The following TRIM23 variants were observed in gnomAD, a reference collection of about 807,000 sequenced individuals.
TRIM23 encodes tripartite motif containing 23.
In TRIM23, 27 loss-of-function variants were observed where a neutral mutation model predicts 71.0. That is an observed-to-expected ratio of 0.38 (90% confidence interval 0.28 to 0.52). The LOEUF (loss-of-function observed/expected upper bound fraction) is 0.52. Ranked by LOEUF, TRIM23 falls within the 20% of genes least tolerant of loss-of-function variation. TRIM23 has a pLI of 0.84. For synonymous variants in TRIM23, 234 were observed against 238.0 expected (o/e 0.98, Z 0.16); for missense variants, 482 against 692.3 (o/e 0.70, Z 3.41).
rs1294162940 is a variant in TRIM23, at chr5:65,599,303, C to CT, written c.1180-2124dup. Among the ~76,000 whole-genome samples the CT allele has an allele frequency of 1.3e-5, 2 of 152,030 alleles. 1 individual carries two copies. Among genetic ancestry groups the CT allele is most frequent in the African/African-American group, 4.8e-5 (2 of 41,396 alleles). ...AAAGGAAATTAAGGAAACAATTCTA[C>CT]TTAAAATAGCATCAAAATTATACTT... On this transcript the variant is annotated intron_variant, in intron 7 of 10. Transcript: ENST00000231524.
chr5:65,594,443 T>A, intron 10 of TRIM23, 78 bp downstream of exon 10: 1 of 1,476,750 alleles, frequency 6.8e-7, no homozygotes, highest in Non-Finnish European at 9.1e-7. Flanking sequence ...GAACTGATTG[T>A]CTTCTGAAAT....
At chr5:65,617,964 A>G in intron 2 of TRIM23, 129 bp downstream of exon 2, 1 of 999,696 alleles carries the variant, frequency 1.0e-6, no homozygotes. Flanking sequence ...CTTAATAGAA[A>G]CTTAGGCTTT....
Position 65,609,223 on chromosome 5 carries a change from A to C in TRIM23, c.1044+20T>G. On this transcript the variant is annotated intron_variant, in intron 6 of 10. Coordinates refer to ENST00000231524, the MANE Select transcript of TRIM23 (RefSeq NM_001656.4). ...ACTTAAACTTACAACTAAGTCCCTA[A>C]CCACATTTAAACTACCTACCTGCTG... is the stretch of plus-strand genomic sequence containing the variant. 6.2e-7 allele frequency: 1 copy of C among 1,613,324 alleles called. No individual in the cohort carries two copies. Among genetic ancestry groups the C allele is most frequent in the Non-Finnish European group, 8.5e-7 (1 of 1,179,340 alleles).
intron 7 of TRIM23, among the ~76,000 whole-genome samples, chr5:65,603,134 G>A (rs1754405705): frequency 6.6e-6 from 1 of 152,224 alleles, no homozygotes; most frequent in African/African-American, 2.4e-5. Context: ...TACAATAGTG[G>A]TTACCAGGGA....
At chr5:65,600,947 T>C (rs1253414226) in intron 7 of TRIM23, among the ~76,000 whole-genome samples, 1 of 152,212 alleles carries the variant, frequency 6.6e-6, no homozygotes, top group African/African-American at 2.4e-5. Context: ...TAAGGTATCA[T>C]TTCAAACCAA....
chr5:65,611,134 A>T (rs2150635566), intron 4 of TRIM23, 91 bp from the exon 5 acceptor site: 1 of 1,192,190 alleles, frequency 8.4e-7, no homozygotes, highest in East Asian at 2.8e-5. Context: ...ACAAAAAAGC[A>T]TCAGCCACAA....
intron 4 of TRIM23, 92 bp downstream of exon 4, chr5:65,611,511 A>G: frequency 1.4e-6 from 2 of 1,411,024 alleles, no homozygotes; most frequent in South Asian, 2.8e-5. Context: ...TTCAATCCCT[A>G]CTTTCAGAAT....
In TRIM23 at chr5:65,609,470, A is replaced by G; in HGVS notation, c.829-12T>C. The stretch of plus-strand genomic sequence containing the variant: ...GCAGTCCCTGGTACCTAAGAAAATG[A>G]AAATAAATTTTAAGCAACTGTAATG... On this transcript the variant is annotated splice_polypyrimidine_tract_variant and intron_variant, in intron 5 of 10. Coordinates refer to ENST00000231524, the MANE Select transcript of TRIM23 (RefSeq NM_001656.4). The G allele has an allele frequency of 6.2e-7, 1 of 1,607,426 alleles. No homozygotes were observed. Among genetic ancestry groups the G allele is most frequent in the African/African-American group, 1.3e-5 (1 of 74,472 alleles).
At position 65,611,720 on chromosome 5, in the gene TRIM23, A is replaced by G. The variant is rs558351025; in HGVS notation, c.528T>C (p.Thr176=). The G allele has an allele frequency of 1.2e-6, 2 of 1,614,174 alleles. No individual in the cohort carries two copies. Among genetic ancestry groups the G allele is most frequent in the South Asian group, 1.1e-5 (1 of 91,088 alleles). The change falls in exon 4 of 11, where the codon ACT becomes ACC. Residue 176 remains threonine (T), a synonymous_variant. Coordinates refer to ENST00000231524, the MANE Select transcript of TRIM23 (RefSeq NM_001656.4). ...CATGCACCTGGTGCTGAGAGCACATAGTTTTCTCATGAGGTTTATCAGCTA... is the reference window on the plus strand; with the variant it reads ...CATGCACCTGGTGCTGAGAGCACATGGTTTTCTCATGAGGTTTATCAGCTA... ...VPLADKPHEK[T]MCSQHQVHAI...
At chr5:65,605,574 T>TC (rs923488648) in intron 6 of TRIM23, among the ~76,000 whole-genome samples, 6 of 152,198 alleles carry the variant, frequency 3.9e-5, no homozygotes, top group African/African-American at 9.7e-5. Flanking sequence ...TGCATACATT[T>TC]CTATATCTAT....
intron 9 of TRIM23, among the ~76,000 whole-genome samples, chr5:65,594,934 C>T (rs751326653): frequency 2.0e-5 from 3 of 152,156 alleles, no homozygotes; most frequent in African/African-American, 4.8e-5. Context: ...TTTTACATAA[C>T]GAATTTCAAA....
intron 5 of TRIM23, among the ~76,000 whole-genome samples, chr5:65,610,597 G>T (rs1414139141): frequency 6.6e-6 from 1 of 152,068 alleles, no homozygotes; most frequent in African/African-American, 2.4e-5. Context: ...TCTTCTATAA[G>T]GACTTCTCTG....
At chr5:65,611,454 A>C (rs979496185) in intron 4 of TRIM23, 149 bp downstream of exon 4, 1 of 806,638 alleles carries the variant, frequency 1.2e-6, no homozygotes, top group African/African-American at 1.8e-5. Context: ...TAAATCTCTC[A>C]TTTATTTTCA....
Position 65,591,578 on chromosome 5 carries a change from T to A in TRIM23, c.*191A>T. ...ATTTAATTCAATCTAATCTGCTCAA[T>A]TAGAAATTTAATTCTGCCACAAAAT... On this transcript the variant is annotated 3_prime_UTR_variant, in exon 11 of 11. Transcript: ENST00000231524. The A allele has an allele frequency of 7.6e-7, 1 of 1,322,104 alleles. No homozygotes were observed. Among genetic ancestry groups the A allele is most frequent in the South Asian group, 1.9e-5 (1 of 53,766 alleles). 81.9% of individuals were successfully genotyped at this position (1,322,104 alleles called of 1,614,324 possible). A position where few individuals can be genotyped will look rare whatever the true frequency, so the allele number is the denominator to read the frequency against.
chr5:65,616,044 CTAACACT>C, intron 2 of TRIM23, among the ~76,000 whole-genome samples: 1 of 152,214 alleles, frequency 6.6e-6, no homozygotes, highest in East Asian at 1.9e-4. Flanking sequence ...TACCTGGATG[CTAACACT>C]TCACTTCTGC....
chr5:65,602,767 A>G (rs149276296), intron 7 of TRIM23, among the ~76,000 whole-genome samples: 1,779 of 152,318 alleles, frequency 0.012, 41 homozygotes, highest in African/African-American at 0.04. Flanking sequence ...ATGAGGAAGA[A>G]GCAAAAGCAG....
In TRIM23 at chr5:65,620,607, C is replaced by A. The variant is rs367596040; in HGVS notation, c.82-2352G>T. 1.9e-3 allele frequency among the ~76,000 whole-genome samples: 294 copies of A among 151,744 alleles called. 2 individuals carry two copies. Among genetic ancestry groups the A allele is most frequent in the African/African-American group, 6.8e-3 (283 of 41,388 alleles). ...AATTTTTTTTGTATTGTTGTATAAG[C>A]GTATTGTCTTCCTGGAAGGATACAT... On this transcript the variant is annotated intron_variant, in intron 1 of 10. Coordinates refer to ENST00000231524, the MANE Select transcript of TRIM23 (RefSeq NM_001656.4).
rs561256489 is a variant in TRIM23, at chr5:65,589,840, T to C, written c.*1929A>G. 2 of 153,194 alleles carry C rather than the reference T, an allele frequency of 1.3e-5. No individual in the cohort carries two copies. The highest frequency in any genetic ancestry group is 2.4e-5 in the African/African-American group (1 of 41,582). 9.5% of individuals were successfully genotyped at this position (153,194 alleles called of 1,614,324 possible). ...AACATACAGTAATATTTAGACCTAA[T>C]ACAGAAATTCAGCTACTAGGAAAAT... is the stretch of plus-strand genomic sequence containing the variant. On this transcript the variant is annotated 3_prime_UTR_variant, in exon 11 of 11. Coordinates refer to ENST00000231524, the MANE Select transcript of TRIM23 (RefSeq NM_001656.4).
Position 65,605,058 on chromosome 5 carries a change from A to G in TRIM23, c.1045-13T>C. Reference sequence around the variant, plus strand: ...CTCTACAATCATCCTATAAGAGGCAAAACAATATTTCTTATAAACTTTTTA... The same window carrying G: ...CTCTACAATCATCCTATAAGAGGCAGAACAATATTTCTTATAAACTTTTTA... On this transcript the variant is annotated splice_polypyrimidine_tract_variant and intron_variant, in intron 6 of 10. Transcript: ENST00000231524. The G allele has an allele frequency of 1.9e-6, 3 of 1,587,258 alleles. No homozygotes were observed. The highest frequency in any genetic ancestry group is 2.6e-6 in the Non-Finnish European group (3 of 1,169,396).
Sources: gnomAD v4.1 joint callset for allele counts (sites outside exome capture counted in the v4.1 genomes callset) on GRCh38, gnomAD v4.1.1 for gene constraint, MANE v1.5 for transcripts, NCBI Gene and HGNC (gene_info 2026-07-23, HGNC 2026-07-21) for gene names.